Variants in EPHA3 observed in about 807,000 individuals in gnomAD.
The protein encoded by EPHA3 is EPH receptor A3.
Under a neutral mutation model 107.1 loss-of-function variants are expected in EPHA3, and 42 were observed. The ratio of observed to expected loss-of-function variants is 0.39; its 90% CI spans 0.31 to 0.51. EPHA3 has a LOEUF of 0.51. EPHA3 is among the 20% of genes least tolerant of loss of function. EPHA3 has a pLI of 0.78. For missense variants in EPHA3, 1,183 were observed against 1,211.2 expected (o/e 0.98, Z 0.35); for synonymous variants, 461 against 424.8 (o/e 1.09, Z -1.05).
rs2107553715 is a variant in EPHA3, at chr3:89,449,362, G to A, written c.2484G>A (p.Met828Ile). The change falls in exon 14 of 17, where the codon ATG becomes ATA. Residue 828 changes from methionine (M) to isoleucine (I), a missense_variant. Met to Ile is a conservative substitution (Grantham distance 10). Transcript: ENST00000336596. ...MSYGERPYWE[M>I]SNQDVIKAVD... ...ATGGAGAGAGACCATACTGGGAGAT[G>A]TCCAATCAGGATGTAAGTATTTGTG... 1 of 1,589,764 alleles carries A rather than the reference G, an allele frequency of 6.3e-7. No individual in the cohort carries two copies. The highest frequency in any genetic ancestry group is 8.6e-7 in the Non-Finnish European group (1 of 1,163,814).
chr3:89,218,407 A>T (rs1347539670), intron 3 of EPHA3, among the ~76,000 whole-genome samples: 1 of 150,038 alleles, frequency 6.7e-6, no homozygotes, highest in Non-Finnish European at 1.5e-5. Context: ...TGTCCTTGCG[A>T]TAGTTTGCTG....
chr3:89,206,212 A>G (rs1211000728), intron 2 of EPHA3, among the ~76,000 whole-genome samples: 1 of 152,116 alleles, frequency 6.6e-6, no homozygotes, highest in Non-Finnish European at 1.5e-5. Context: ...TGTTTGCATT[A>G]TCTTCTTGCA....
At chr3:89,231,202 C>T (rs1191208675) in intron 3 of EPHA3, among the ~76,000 whole-genome samples, 1 of 152,012 alleles carries the variant, frequency 6.6e-6, no homozygotes, top group Non-Finnish European at 1.5e-5. Context: ...TATTTACCTG[C>T]CATTTCTCTT....
chr3:89,282,409 C>A (rs1705970849), intron 3 of EPHA3, among the ~76,000 whole-genome samples: 1 of 151,938 alleles, frequency 6.6e-6, no homozygotes, highest in Non-Finnish European at 1.5e-5. Flanking sequence ...ATCATAAGTA[C>A]TTTTTTGGGA....
intron 1 of EPHA3, among the ~76,000 whole-genome samples, chr3:89,126,107 T>C (rs1038239800): frequency 6.6e-6 from 1 of 151,722 alleles, no homozygotes; most frequent in Non-Finnish European, 1.5e-5. Flanking sequence ...GGTGTATGTA[T>C]TTACATTATG....
At chr3:89,264,695 C>T (rs1224630124) in intron 3 of EPHA3, among the ~76,000 whole-genome samples, 1 of 151,746 alleles carries the variant, frequency 6.6e-6, no homozygotes, top group Non-Finnish European at 1.5e-5. Flanking sequence ...GCTGTTACAT[C>T]CCCAAAGCAT....
chr3:89,419,717 T>C (rs1326315593), intron 11 of EPHA3, among the ~76,000 whole-genome samples: 1 of 151,412 alleles, frequency 6.6e-6, no homozygotes, highest in African/African-American at 2.4e-5. Flanking sequence ...AGAAAAACAA[T>C]GACTCAAGCT....
intron 1 of EPHA3, among the ~76,000 whole-genome samples, chr3:89,116,263 A>G (rs1559738326): frequency 6.6e-6 from 1 of 152,258 alleles, no homozygotes; most frequent in African/African-American, 2.4e-5. Flanking sequence ...GTACAATATA[A>G]CCAGAGTGTG....
chr3:89,423,994 A>G (rs1056420831), intron 11 of EPHA3, among the ~76,000 whole-genome samples: 45 of 151,616 alleles, frequency 3.0e-4, no homozygotes, highest in African/African-American at 1.0e-3. Flanking sequence ...AGCTGTCTGA[A>G]TAACTGTGGT....
intron 3 of EPHA3, among the ~76,000 whole-genome samples, chr3:89,307,402 A>T (rs1041646184): frequency 6.6e-6 from 1 of 152,200 alleles, no homozygotes; most frequent in Non-Finnish European, 1.5e-5. Flanking sequence ...AGTCTGAAGA[A>T]ATACAAAGTT....
At chr3:89,289,794 C>A (rs776522493) in intron 3 of EPHA3, among the ~76,000 whole-genome samples, 2 of 152,006 alleles carry the variant, frequency 1.3e-5, no homozygotes, top group Non-Finnish European at 2.9e-5. Flanking sequence ...TAAAAGGCTG[C>A]GATTCCTACC....
chr3:89,111,550 C>T (rs905565366), intron 1 of EPHA3, among the ~76,000 whole-genome samples: 5 of 145,578 alleles, frequency 3.4e-5, no homozygotes, highest in African/African-American at 1.2e-4. Flanking sequence ...TGCTATTTGC[C>T]TGAAGGTAGG....
chr3:89,413,738 G>A (rs917177083), intron 10 of EPHA3, among the ~76,000 whole-genome samples: 1 of 151,534 alleles, frequency 6.6e-6, no homozygotes. Context: ...AATAATATAA[G>A]GTGCTCCATT....
chr3:89,291,499 T>C (rs1706205507), intron 3 of EPHA3, among the ~76,000 whole-genome samples: 2 of 152,166 alleles, frequency 1.3e-5, no homozygotes, highest in Admixed American at 6.6e-5. Context: ...CATTTGCTTA[T>C]GTTTTAAGAA....
At chr3:89,390,189 C>T (rs1182156966) in intron 5 of EPHA3, among the ~76,000 whole-genome samples, 5 of 152,008 alleles carry the variant, frequency 3.3e-5, no homozygotes, top group African/African-American at 1.2e-4. Flanking sequence ...TGGGGTTTTG[C>T]CATATTGGTC....
intron 2 of EPHA3, among the ~76,000 whole-genome samples, chr3:89,184,573 T>A (rs571563010): frequency 1.3e-5 from 2 of 152,184 alleles, no homozygotes; most frequent in Admixed American, 1.3e-4. Context: ...AACCAAACTC[T>A]TATGTTTTTC....
intron 2 of EPHA3, among the ~76,000 whole-genome samples, chr3:89,137,743 A>G (rs1295442120): frequency 2.0e-5 from 3 of 152,066 alleles, no homozygotes; most frequent in Non-Finnish European, 4.4e-5. Flanking sequence ...TGACATAAGA[A>G]GAAAAATGTC....
chr3:89,332,075 G>A (rs866227436), intron 3 of EPHA3, among the ~76,000 whole-genome samples: 17 of 151,984 alleles, frequency 1.1e-4, no homozygotes, highest in Admixed American at 3.3e-4. Context: ...TCCCATTCTC[G>A]CTCTGGCCCT....
At chr3:89,282,133 G>A (rs989773112) in intron 3 of EPHA3, among the ~76,000 whole-genome samples, 10 of 152,222 alleles carry the variant, frequency 6.6e-5, no homozygotes, top group African/African-American at 1.9e-4. Flanking sequence ...AGATAAAATG[G>A]TGGGTAAATA....
Sources: gnomAD v4.1 joint callset for allele counts (sites outside exome capture counted in the v4.1 genomes callset) on GRCh38, gnomAD v4.1.1 for gene constraint, MANE v1.5 for transcripts, NCBI Gene and HGNC (gene_info 2026-07-23, HGNC 2026-07-21) for gene names.